The following NELL1 variants were observed in gnomAD, a reference collection of about 807,000 sequenced individuals.
The protein encoded by NELL1 is neural EGFL like 1.
Under a neutral mutation model 107.4 loss-of-function variants are expected in NELL1, and 76 were observed. The ratio of observed to expected loss-of-function variants is 0.71; its 90% CI spans 0.59 to 0.86. NELL1 has a LOEUF of 0.86. NELL1 is among the 40% of genes least tolerant of loss of function. The probability of loss-of-function intolerance (pLI) is 0.00; values close to 1 mark genes in which losing one functional copy is unlikely to be tolerated. For synonymous variants in NELL1, 353 were observed against 341.2 expected (o/e 1.03, Z -0.38); for missense variants, 1,024 against 1,005.5 (o/e 1.02, Z -0.25).
chr11:21,410,324 G>A (rs927530191), intron 15 of NELL1, among the ~76,000 whole-genome samples: 2 of 151,960 alleles, frequency 1.3e-5, no homozygotes, highest in Non-Finnish European at 2.9e-5. Flanking sequence ...TAGTTATTTC[G>A]AAAGTACATT....
chr11:21,212,881 G>A (rs1857530894), intron 13 of NELL1, among the ~76,000 whole-genome samples: 1 of 152,146 alleles, frequency 6.6e-6, no homozygotes, highest in African/African-American at 2.4e-5. Flanking sequence ...GCAGCAAAAA[G>A]AAATAAGCTT....
intron 14 of NELL1, among the ~76,000 whole-genome samples, chr11:21,262,776 C>T (rs1848559235): frequency 6.6e-6 from 1 of 151,828 alleles, no homozygotes. Context: ...CTTTTTCAAT[C>T]TAGATATTCA....
At chr11:21,492,924 G>A (rs1317246807) in intron 15 of NELL1, among the ~76,000 whole-genome samples, 1 of 151,794 alleles carries the variant, frequency 6.6e-6, no homozygotes, top group African/African-American at 2.4e-5. Context: ...AGTTGGCTAA[G>A]CCCATAATAG....
chr11:20,864,010 A>T (rs966211382), intron 4 of NELL1, among the ~76,000 whole-genome samples: 1 of 152,072 alleles, frequency 6.6e-6, no homozygotes, highest in Non-Finnish European at 1.5e-5. Context: ...CGGCAGGCTG[A>T]GGCAGGAGAA....
chr11:21,570,202 GC>G (rs1857068100), intron 17 of NELL1, among the ~76,000 whole-genome samples: 1 of 151,816 alleles, frequency 6.6e-6, no homozygotes, highest in African/African-American at 2.4e-5. Flanking sequence ...AGGCGATCTT[GC>G]CAAAGAATAT....
intron 12 of NELL1, among the ~76,000 whole-genome samples, chr11:21,019,897 C>T (rs1852657973): frequency 6.6e-6 from 1 of 152,056 alleles, no homozygotes; most frequent in Non-Finnish European, 1.5e-5. Flanking sequence ...CCTGCACTTA[C>T]ATCAACCACT....
intron 17 of NELL1, among the ~76,000 whole-genome samples, chr11:21,562,238 G>A (rs982276883): frequency 1.9e-4 from 29 of 152,116 alleles, no homozygotes; most frequent in African/African-American, 6.3e-4. Context: ...TCCAAGCAAC[G>A]TATATTGATT....
At chr11:21,301,513 T>G (rs1479608070) in intron 14 of NELL1, among the ~76,000 whole-genome samples, 1 of 152,228 alleles carries the variant, frequency 6.6e-6, no homozygotes, top group Admixed American at 6.5e-5. Flanking sequence ...GAGCATTTTT[T>G]CATGTGTCTT....
Position 20,981,956 on chromosome 11 carries a change from TTC to T in NELL1, c.1300+21420_1300+21421del, listed in dbSNP as rs68140364. ...ACAATGTCACCAGGGCTCTCTCTCTTTCTCTCTCTCTCTCTCTCTCTCTCTTT... is the reference window on the plus strand; with the variant it reads ...ACAATGTCACCAGGGCTCTCTCTCTTTCTCTCTCTCTCTCTCTCTCTCTTT... On this transcript the variant is annotated intron_variant, in intron 12 of 19. Coordinates refer to ENST00000357134, the MANE Select transcript of NELL1 (RefSeq NM_006157.5). Among the ~76,000 whole-genome samples, 375 of 148,044 alleles carry T rather than the reference TTC, an allele frequency of 2.5e-3. 3 individuals carry two copies. The highest frequency in any genetic ancestry group is 4.3e-3 in the African/African-American group (176 of 40,570).
At chr11:20,838,675 TA>T (rs995729413) in intron 3 of NELL1, among the ~76,000 whole-genome samples, 3 of 151,986 alleles carry the variant, frequency 2.0e-5, no homozygotes, top group Admixed American at 6.6e-5. Flanking sequence ...ACAATAGAAA[TA>T]AAAAAATTTA....
chr11:21,000,631 C>G (rs1176292618), intron 12 of NELL1, among the ~76,000 whole-genome samples: 1 of 152,212 alleles, frequency 6.6e-6, no homozygotes. Context: ...TCCAATTTAT[C>G]TCAATGGAGT....
intron 14 of NELL1, among the ~76,000 whole-genome samples, chr11:21,337,635 T>C (rs1217327536): frequency 6.6e-6 from 1 of 152,222 alleles, no homozygotes; most frequent in Non-Finnish European, 1.5e-5. Flanking sequence ...AACAAGTGAT[T>C]ATTTAGAGAA....
At chr11:21,372,386 C>T (rs1268190435) in intron 15 of NELL1, among the ~76,000 whole-genome samples, 2 of 151,868 alleles carry the variant, frequency 1.3e-5, no homozygotes, top group Admixed American at 1.3e-4. Flanking sequence ...AATAATGATG[C>T]CAATAATCAT....
intron 15 of NELL1, among the ~76,000 whole-genome samples, chr11:21,497,024 C>A (rs968728753): frequency 6.6e-6 from 1 of 151,410 alleles, no homozygotes; most frequent in Non-Finnish European, 1.5e-5. Flanking sequence ...TCCAGTCTAT[C>A]ATTGTTGGAC....
chr11:21,197,283 C>G (rs957610898), intron 13 of NELL1, among the ~76,000 whole-genome samples: 1 of 151,330 alleles, frequency 6.6e-6, no homozygotes, highest in African/African-American at 2.4e-5. Flanking sequence ...CATTAAGTAG[C>G]AGAGCTGAGA....
At chr11:20,988,336 T>C (rs1851893884) in intron 12 of NELL1, among the ~76,000 whole-genome samples, 1 of 151,762 alleles carries the variant, frequency 6.6e-6, no homozygotes, top group Non-Finnish European at 1.5e-5. Context: ...TGCTTGTAGA[T>C]AATGGCACAA....
chr11:20,823,207 C>T (rs150844395), intron 3 of NELL1, among the ~76,000 whole-genome samples: 4 of 151,444 alleles, frequency 2.6e-5, no homozygotes, highest in East Asian at 1.9e-4. Flanking sequence ...CAAGGAGGAT[C>T]GAGCTGCATC....
chr11:20,864,195 G>T (rs1287450535), intron 4 of NELL1, among the ~76,000 whole-genome samples: 1 of 152,132 alleles, frequency 6.6e-6, no homozygotes, highest in Non-Finnish European at 1.5e-5. Context: ...TTTTTAAATA[G>T]AAAATTGTAT....
intron 12 of NELL1, among the ~76,000 whole-genome samples, chr11:21,069,011 C>T (rs1853947175): frequency 6.6e-6 from 1 of 152,172 alleles, no homozygotes; most frequent in East Asian, 1.9e-4. Context: ...TCAAATCCTA[C>T]AGAATACAAC....
Sources: allele counts gnomAD v4.1 joint callset (sites outside exome capture counted in the v4.1 genomes callset), GRCh38; gene constraint gnomAD v4.1.1; transcripts MANE v1.5; gene names NCBI Gene and HGNC (gene_info 2026-07-23, HGNC 2026-07-21).